FAM222B: variants seen among roughly 807,000 people sequenced by gnomAD.
FAM222B encodes the protein family with sequence similarity 222 member B.
In FAM222B, 12 loss-of-function variants were observed where a neutral mutation model predicts 38.0. That is an observed-to-expected ratio of 0.32 (90% CI 0.20 to 0.51). The LOEUF (loss-of-function observed/expected upper bound fraction) is 0.51. FAM222B is among the 20% of genes least tolerant of loss of function. The probability of loss-of-function intolerance (pLI) is 0.97; values close to 1 mark genes in which losing one functional copy is unlikely to be tolerated. For missense variants in FAM222B, 716 were observed against 754.2 expected (o/e 0.95, Z 0.59); for synonymous variants, 329 against 317.2 (o/e 1.04, Z -0.40).
intron 2 of FAM222B, 28 bp downstream of exon 2, chr17:28,766,558 C>T: frequency 6.4e-7 from 1 of 1,560,092 alleles, no homozygotes; most frequent in Non-Finnish European, 8.7e-7. Flanking sequence ...AAGAATCACA[C>T]ATGCTCCATA....
At chr17:28,827,788 T>C (rs190687227) in intron 1 of FAM222B, among the ~76,000 whole-genome samples, 13 of 152,276 alleles carry the variant, frequency 8.5e-5, no homozygotes, top group Admixed American at 8.5e-4. Flanking sequence ...ATCTGCTATG[T>C]ATCAGGCACT....
At chr17:28,779,657 A>C (rs879396172) in intron 1 of FAM222B, among the ~76,000 whole-genome samples, 1 of 152,028 alleles carries the variant, frequency 6.6e-6, no homozygotes, top group Non-Finnish European at 1.5e-5. Flanking sequence ...AAGCTGAGGC[A>C]GGAGAATGGC....
In FAM222B at chr17:28,759,773, G is replaced by A; in HGVS notation, c.186C>T (p.Phe62=). The change falls in exon 3 of 3, where the codon TTC becomes TTT. Residue 62 remains phenylalanine (F), a synonymous_variant. Transcript: ENST00000581407. This position sits in a 1 kb window ranked among gnomAD's most constrained non-coding sequence, Gnocchi z 4.8. ...VANNPLTIKI[F]PNSVKVPQRK... Reference sequence around the variant, plus strand: ...GCTGGGGAACCTTCACACTGTTGGGGAAGATTTTTATAGTCAGTGGGTTGT... The same window carrying A: ...GCTGGGGAACCTTCACACTGTTGGGAAAGATTTTTATAGTCAGTGGGTTGT... 5.0e-6 allele frequency: 8 copies of A among 1,613,316 alleles called. No individual in the cohort carries two copies. The highest frequency in any genetic ancestry group is 6.8e-6 in the Non-Finnish European group (8 of 1,179,624).
chr17:28,773,749 G>T (rs7212348), intron 1 of FAM222B, among the ~76,000 whole-genome samples: 2 of 151,034 alleles, frequency 1.3e-5, no homozygotes, highest in Non-Finnish European at 1.5e-5. Flanking sequence ...AGTGAGCCGA[G>T]ATCATGCCAC....
chr17:28,814,756 C>T (rs963389807), intron 1 of FAM222B, among the ~76,000 whole-genome samples: 1 of 149,176 alleles, frequency 6.7e-6, no homozygotes, highest in Non-Finnish European at 1.5e-5. Context: ...CATGAGCCAA[C>T]GTGCCAGGCC....
intron 1 of FAM222B, among the ~76,000 whole-genome samples, chr17:28,810,283 C>T (rs771904116): frequency 2.0e-5 from 3 of 152,164 alleles, no homozygotes; most frequent in Admixed American, 6.5e-5. Flanking sequence ...AGCCATTGCA[C>T]CCCGCCTTCC....
At chr17:28,781,547 A>C (rs902829172) in intron 1 of FAM222B, among the ~76,000 whole-genome samples, 1 of 152,176 alleles carries the variant, frequency 6.6e-6, no homozygotes, top group Non-Finnish European at 1.5e-5. Flanking sequence ...ATATACAAGG[A>C]AATGAAATCA....
chr17:28,787,421 T>C (rs1196189504), intron 1 of FAM222B, among the ~76,000 whole-genome samples: 4 of 152,218 alleles, frequency 2.6e-5, no homozygotes, highest in East Asian at 1.9e-4. Context: ...AAGGCTTCTA[T>C]ATAGCCTTAG....
intron 1 of FAM222B, among the ~76,000 whole-genome samples, chr17:28,772,822 G>GA (rs2035702060): frequency 6.6e-6 from 1 of 152,160 alleles, no homozygotes; most frequent in South Asian, 2.1e-4. Flanking sequence ...TTGAACTGGG[G>GA]AGGCGGAGGC....
At chr17:28,780,701 G>A (rs957057219) in intron 1 of FAM222B, among the ~76,000 whole-genome samples, 2 of 152,010 alleles carry the variant, frequency 1.3e-5, no homozygotes, top group Non-Finnish European at 2.9e-5. Flanking sequence ...AGCTAACATA[G>A]AGAAACCCCA....
At chr17:28,775,751 C>T (rs1339982890) in intron 1 of FAM222B, among the ~76,000 whole-genome samples, 1 of 150,522 alleles carries the variant, frequency 6.6e-6, no homozygotes, top group Non-Finnish European at 1.5e-5. Context: ...CATGGTGGCT[C>T]GAGACTATAG....
chr17:28,797,147 CG>C lies in FAM222B; in HGVS notation c.-40-30441del, dbSNP rs371749627. Among the ~76,000 whole-genome samples the C allele has an allele frequency of 5.5e-4, 84 of 151,896 alleles. 3 individuals carry two copies. In the East Asian group the frequency reaches 0.013, roughly 23 times the overall value. On this transcript the variant is annotated intron_variant, in intron 1 of 2. Coordinates refer to ENST00000581407, the MANE Select transcript of FAM222B (RefSeq NM_001077498.3). The stretch of plus-strand genomic sequence containing the variant: ...CCTCCCGAGTAGCTGGGATTACAGA[CG>C]TAAGTCACCACACCCAGCTAATTTT...
Position 28,759,268 on chromosome 17 carries a change from G to A in FAM222B, c.691C>T (p.Arg231Trp), listed in dbSNP as rs770786658. 1.3e-4 allele frequency: 207 copies of A among 1,613,218 alleles called. No homozygotes were observed. The highest frequency in any genetic ancestry group is 1.7e-4 in the Non-Finnish European group (195 of 1,179,704). The change falls in exon 3 of 3, where the codon CGG becomes TGG. Residue 231 changes from arginine (R) to tryptophan (W), a missense_variant. By Grantham distance (101) the Arg-to-Trp change is moderately radical. Coordinates refer to ENST00000581407, the MANE Select transcript of FAM222B (RefSeq NM_001077498.3). This position sits in a 1 kb window ranked among gnomAD's most constrained non-coding sequence, Gnocchi z 4.8. Reference sequence around the variant, plus strand: ...GGGGCATCTGAGTCTGGCATCTTCCGGCCTCCATGCAGCAAGGGATTGTGG... The same window carrying A: ...GGGGCATCTGAGTCTGGCATCTTCCAGCCTCCATGCAGCAAGGGATTGTGG... ...HPHNPLLHGG[R>W]KMPDSDAPPN... is the part of the protein sequence containing the mutation.
At chr17:28,812,443 G>C (rs1597995288) in intron 1 of FAM222B, 1 of 152,002 alleles carries the variant, frequency 6.6e-6, no homozygotes, top group African/African-American at 2.4e-5. Context: ...GCTGCCGCTT[G>C]CTCCCAGCCG....
intron 1 of FAM222B, among the ~76,000 whole-genome samples, chr17:28,849,768 A>C (rs992915318): frequency 6.6e-6 from 1 of 152,070 alleles, no homozygotes; most frequent in Non-Finnish European, 1.5e-5. Flanking sequence ...GGAAGAGAAA[A>C]CAAAAAGTTG....
intron 1 of FAM222B, among the ~76,000 whole-genome samples, chr17:28,822,658 G>A (rs1280168158): frequency 2.1e-5 from 3 of 145,870 alleles, no homozygotes; most frequent in Non-Finnish European, 3.0e-5. Flanking sequence ...AAAATTAGCC[G>A]GGCATGGTGG....
In FAM222B at chr17:28,758,121, C is replaced by G; in HGVS notation, c.*149G>C. On this transcript the variant is annotated 3_prime_UTR_variant, in exon 3 of 3. Transcript: ENST00000581407. ...GGAGGACGAGAGGACCCCTTCTGTC[C>G]CCACTTAGATCCCACCAAATTCCCT... 1.4e-6 allele frequency: 1 copy of G among 719,622 alleles called. No individual in the cohort carries two copies. The highest frequency in any genetic ancestry group is 2.3e-5 in the South Asian group (1 of 43,466). The allele number at this position is 719,622 out of a possible 1,614,324, so 44.6% of individuals were successfully genotyped here.
chr17:28,822,734 T>C (rs1294333072), intron 1 of FAM222B, among the ~76,000 whole-genome samples: 2 of 129,646 alleles, frequency 1.5e-5, no homozygotes, highest in East Asian at 2.5e-4. Flanking sequence ...ACCCAGGAGG[T>C]GGAGATTGCA....
intron 2 of FAM222B, among the ~76,000 whole-genome samples, chr17:28,763,630 ACAGATTT>A (rs1692181283): frequency 1.3e-5 from 2 of 152,202 alleles, no homozygotes; most frequent in African/African-American, 4.8e-5. Context: ...GTGTTCAAAC[ACAGATTT>A]CAGAGTCTGA....
Sources: gnomAD v4.1 joint callset for allele counts (sites outside exome capture counted in the v4.1 genomes callset) on GRCh38, gnomAD v4.1.1 for gene constraint, Gnocchi (gnomAD v3.1) non-coding constraint, MANE v1.5 for transcripts, NCBI Gene and HGNC (gene_info 2026-07-23, HGNC 2026-07-21) for gene names.